The following VPS13B variants were observed in gnomAD, a reference collection of about 807,000 sequenced individuals.
VPS13B encodes the protein vacuolar protein sorting 13 homolog B, also known as intermembrane lipid transfer protein VPS13B.
In VPS13B, 285 loss-of-function variants were observed where a neutral mutation model predicts 426.4. The ratio of observed to expected loss-of-function variants is 0.67; its 90% CI spans 0.61 to 0.74. The LOEUF (loss-of-function observed/expected upper bound fraction) is 0.74. Among genes scored for constraint, VPS13B ranks in the 30% least tolerant of loss-of-function variants. The pLI is 0.00. For synonymous variants in VPS13B, 1,676 were observed against 1,676.4 expected, an observed-to-expected ratio of 1.00 and a Z score of 0.01; for missense variants, 4,537 against 4,782.6, an observed-to-expected ratio of 0.95 and a Z score of 1.51.
intron 35 of VPS13B, among the ~76,000 whole-genome samples, chr8:99,684,801 T>C (rs79121242): frequency 0.063 from 9,557 of 152,216 alleles, 322 homozygotes; most frequent in African/African-American, 0.069. Context: ...TTGGGTTTTT[T>C]GTTTGTTTGT....
intron 33 of VPS13B, among the ~76,000 whole-genome samples, chr8:99,589,871 T>G (rs1378342289): frequency 6.6e-6 from 1 of 152,178 alleles, no homozygotes; most frequent in African/African-American, 2.4e-5. Flanking sequence ...TAGGGAGGAT[T>G]CCCTCTTTTT....
At chr8:99,132,283 A>G (rs914207771) in intron 8 of VPS13B, among the ~76,000 whole-genome samples, 1 of 152,132 alleles carries the variant, frequency 6.6e-6, no homozygotes, top group African/African-American at 2.4e-5. Context: ...AACATTCTAA[A>G]TTCATCGTCA....
chr8:99,868,563 G>C, intron 59 of VPS13B, 98 bp downstream of exon 59: 2 of 1,403,904 alleles, frequency 1.4e-6, no homozygotes, highest in Non-Finnish European at 2.0e-6. Flanking sequence ...TCACATGGCA[G>C]ACAGTGGCTA....
intron 41 of VPS13B, 92 bp downstream of exon 41, chr8:99,777,048 A>G: frequency 1.4e-6 from 2 of 1,474,072 alleles, no homozygotes; most frequent in Non-Finnish European, 1.9e-6. Context: ...AATCTTAGAT[A>G]ATGTATTTTC....
intron 33 of VPS13B, among the ~76,000 whole-genome samples, chr8:99,581,817 A>G (rs1400549231): frequency 6.6e-6 from 1 of 152,222 alleles, no homozygotes; most frequent in Non-Finnish European, 1.5e-5. Flanking sequence ...TTAATATTCA[A>G]AAATCAAAAT....
At chr8:99,352,185 T>A (rs1305047353) in intron 19 of VPS13B, among the ~76,000 whole-genome samples, 1 of 152,214 alleles carries the variant, frequency 6.6e-6, no homozygotes, top group Non-Finnish European at 1.5e-5. Context: ...ACCTTCATAA[T>A]TTAAAACTTC....
intron 30 of VPS13B, among the ~76,000 whole-genome samples, chr8:99,524,821 G>C (rs932106671): frequency 6.6e-6 from 1 of 152,104 alleles, no homozygotes; most frequent in Non-Finnish European, 1.5e-5. Flanking sequence ...ATACAACTGA[G>C]CTCCAGTATG....
At chr8:99,547,671 T>G (rs1228650325) in intron 30 of VPS13B, among the ~76,000 whole-genome samples, 1 of 152,134 alleles carries the variant, frequency 6.6e-6, no homozygotes. Context: ...CTTTGGTTCC[T>G]TATGATTACA....
At chr8:99,750,961 C>A (rs1337645964) in intron 39 of VPS13B, among the ~76,000 whole-genome samples, 2 of 151,940 alleles carry the variant, frequency 1.3e-5, no homozygotes, top group Non-Finnish European at 2.9e-5. Flanking sequence ...TGAAGTGGTA[C>A]ATTAGTTTGG....
At chr8:99,378,017 G>C in intron 19 of VPS13B, among the ~76,000 whole-genome samples, 1 of 151,960 alleles carries the variant, frequency 6.6e-6, no homozygotes, top group Non-Finnish European at 1.5e-5. Context: ...ACTAGAATTC[G>C]CCAGGCTGGA....
chr8:99,717,115 CCAAA>C (rs1236772094), intron 36 of VPS13B, 52 bp from the exon 37 acceptor site: 4 of 1,505,374 alleles, frequency 2.7e-6, no homozygotes, highest in Non-Finnish European at 3.7e-6. Context: ...TAGTTCTTTC[CCAAA>C]CATTTTTTTT....
Position 99,511,161 on chromosome 8 carries a change from T to A in VPS13B, c.4282T>A (p.Tyr1428Asn). The A allele has an allele frequency of 6.2e-7, 1 of 1,613,950 alleles. No homozygotes were observed. The highest frequency in any genetic ancestry group is 8.5e-7 in the Non-Finnish European group (1 of 1,180,000). The change falls in exon 29 of 62, where the codon TAC (tyrosine) becomes AAC (asparagine). Residue 1428 changes from tyrosine (Y) to asparagine (N), a missense_variant. Tyr to Asn is a moderately radical substitution (Grantham distance 143, BLOSUM62 -2). Transcript: ENST00000357162. ...GCAGCATGGATTCCTCTCTCTGACATACACAAAAGCTGTAACAAAAAATGT... is the reference window on the plus strand; with the variant it reads ...GCAGCATGGATTCCTCTCTCTGACAAACACAAAAGCTGTAACAAAAAATGT... ...HQQHGFLSLTYTKAVTKNVRH... is the reference protein window; with the variant it reads ...HQQHGFLSLTNTKAVTKNVRH...
intron 43 of VPS13B, among the ~76,000 whole-genome samples, chr8:99,786,210 G>A (rs1812256697): frequency 6.6e-6 from 1 of 152,102 alleles, no homozygotes; most frequent in Non-Finnish European, 1.5e-5. Context: ...ACTGTCACCA[G>A]CACACCTTTC....
At chr8:99,093,831 C>A (rs191520348) in intron 3 of VPS13B, 5 of 152,186 alleles carry the variant, frequency 3.3e-5, no homozygotes, top group Admixed American at 6.5e-5. Context: ...CACAAATAAA[C>A]TAGAAAATCT....
At chr8:99,381,410 G>A (rs1034397852) in intron 19 of VPS13B, among the ~76,000 whole-genome samples, 2 of 152,074 alleles carry the variant, frequency 1.3e-5, no homozygotes, top group South Asian at 2.1e-4. Context: ...TATGGTTTTG[G>A]GTATATACCT....
intron 19 of VPS13B, among the ~76,000 whole-genome samples, chr8:99,279,016 G>T (rs1227893836): frequency 2.0e-5 from 3 of 152,146 alleles, no homozygotes; most frequent in African/African-American, 7.2e-5. Context: ...AGAAATAGAT[G>T]CTTCTCTGGT....
intron 3 of VPS13B, among the ~76,000 whole-genome samples, chr8:99,053,441 G>T (rs1382369353): frequency 6.6e-6 from 1 of 151,764 alleles, no homozygotes. Flanking sequence ...TGGTTTCCTG[G>T]TTCATCCAGG....
chr8:99,284,871 T>C (rs1819352773), intron 19 of VPS13B, among the ~76,000 whole-genome samples: 1 of 152,202 alleles, frequency 6.6e-6, no homozygotes, highest in African/African-American at 2.4e-5. Context: ...TAGTGTTGGT[T>C]TGTCACCTAT....
At chr8:99,605,208 G>T (rs921391898) in intron 33 of VPS13B, among the ~76,000 whole-genome samples, 1 of 152,198 alleles carries the variant, frequency 6.6e-6, no homozygotes, top group East Asian at 1.9e-4. Flanking sequence ...TGTGGTCCAA[G>T]AAATAAATGC....
Sources: allele counts gnomAD v4.1 joint callset (sites outside exome capture counted in the v4.1 genomes callset), GRCh38; gene constraint gnomAD v4.1.1; transcripts MANE v1.5; gene names NCBI Gene and HGNC (gene_info 2026-07-23, HGNC 2026-07-21).